Variants in GRID2 observed in about 807,000 individuals in gnomAD.
GRID2 encodes glutamate receptor ionotropic, delta-2.
In GRID2, 33 loss-of-function variants were observed where a neutral mutation model predicts 114.8. That is an observed-to-expected ratio of 0.29 (90% CI 0.22 to 0.38). GRID2 has a LOEUF of 0.38. Ranked by LOEUF, GRID2 falls within the 10% of genes least tolerant of loss-of-function variation. GRID2 has a pLI of 1.00. For synonymous variants in GRID2, 505 were observed against 449.9 expected, an observed-to-expected ratio of 1.12 and a Z score of -1.55; for missense variants, 1,184 against 1,257.7, an observed-to-expected ratio of 0.94 and a Z score of 0.89.
chr4:92,516,956 A>C (rs539763944), intron 1 of GRID2, among the ~76,000 whole-genome samples: 1 of 151,982 alleles, frequency 6.6e-6, no homozygotes, highest in Non-Finnish European at 1.5e-5. Context: ...CATTTTAAGG[A>C]TGTGACTAAT....
chr4:92,746,445 T>C (rs746025782), intron 2 of GRID2, among the ~76,000 whole-genome samples: 1 of 152,136 alleles, frequency 6.6e-6, no homozygotes, highest in Non-Finnish European at 1.5e-5. Flanking sequence ...GGTTCCTTTA[T>C]AGAGATGTTT....
chr4:93,021,795 TA>T (rs1220504129), intron 2 of GRID2, among the ~76,000 whole-genome samples: 1 of 146,466 alleles, frequency 6.8e-6, no homozygotes, highest in Non-Finnish European at 1.5e-5. Flanking sequence ...TATTATATAT[TA>T]TTTTTATAAT....
intron 2 of GRID2, among the ~76,000 whole-genome samples, chr4:92,756,644 G>A (rs1050409278): frequency 6.6e-6 from 1 of 152,078 alleles, no homozygotes; most frequent in Non-Finnish European, 1.5e-5. Context: ...AGTGGGGTAA[G>A]ATGATATTTT....
intron 2 of GRID2, among the ~76,000 whole-genome samples, chr4:92,856,241 A>C (rs191571947): frequency 6.6e-6 from 1 of 151,936 alleles, no homozygotes; most frequent in Non-Finnish European, 1.5e-5. Flanking sequence ...ATATTTTTCT[A>C]TTATCATATT....
intron 8 of GRID2, among the ~76,000 whole-genome samples, chr4:93,343,990 T>C (rs553300088): frequency 1.3e-5 from 2 of 152,232 alleles, no homozygotes; most frequent in South Asian, 4.1e-4. Context: ...TTTGAAATGT[T>C]TAGACCACAT....
chr4:93,154,814 T>C (rs1737033856), intron 4 of GRID2, among the ~76,000 whole-genome samples: 1 of 151,822 alleles, frequency 6.6e-6, no homozygotes. Flanking sequence ...ACCCTTTTCC[T>C]CTACTGCAAT....
intron 1 of GRID2, among the ~76,000 whole-genome samples, chr4:93,797,107 A>G (rs982471931): frequency 6.6e-6 from 1 of 152,218 alleles, no homozygotes; most frequent in Non-Finnish European, 1.5e-5. Context: ...AGTATTTGTG[A>G]ATCTAAACAT....
At chr4:93,744,315 A>G (rs1731665048) in intron 14 of GRID2, among the ~76,000 whole-genome samples, 1 of 152,182 alleles carries the variant, frequency 6.6e-6, no homozygotes, top group Non-Finnish European at 1.5e-5. Flanking sequence ...ATAGACAGAC[A>G]ATCTGGGCAA....
rs187737661 is a variant in GRID2 at position 93,238,347 on chromosome 4, A to G, written c.1126-24A>G. 68 of 1,537,306 alleles carry G rather than the reference A, an allele frequency of 4.4e-5. 1 individual carries two copies. The South Asian group carries it at 6.6e-4, about 15-fold the overall frequency. ...TATTTTTTTACTTCTCAAATTTTAC[A>G]TCAGTATCTGTTCTCTCCTTTAGGG... is the stretch of plus-strand genomic sequence containing the variant. On this transcript the variant is annotated intron_variant, in intron 7 of 15. Coordinates refer to ENST00000282020, the MANE Select transcript of GRID2 (RefSeq NM_001510.4).
At chr4:93,550,967 C>A (rs749305340) in intron 13 of GRID2, among the ~76,000 whole-genome samples, 1 of 152,120 alleles carries the variant, frequency 6.6e-6, no homozygotes, top group Non-Finnish European at 1.5e-5. Context: ...CAGAGCCACA[C>A]TTACTGGATT....
At chr4:93,027,712 A>G (rs1253172575) in intron 2 of GRID2, among the ~76,000 whole-genome samples, 1 of 152,188 alleles carries the variant, frequency 6.6e-6, no homozygotes, top group Non-Finnish European at 1.5e-5. Context: ...AGATTTAGAT[A>G]ACGATATATT....
chr4:92,663,474 A>G (rs984696816), intron 2 of GRID2, among the ~76,000 whole-genome samples: 2 of 151,216 alleles, frequency 1.3e-5, no homozygotes, highest in Non-Finnish European at 3.0e-5. Context: ...GAATATGCAT[A>G]TACTATAAGT....
intron 3 of GRID2, among the ~76,000 whole-genome samples, chr4:93,093,688 C>G (rs950895745): frequency 3.9e-5 from 6 of 152,112 alleles, no homozygotes; most frequent in African/African-American, 1.4e-4. Flanking sequence ...CCCTCTTCCC[C>G]CAGGGCTGGA....
At chr4:93,275,159 CAT>C (rs965719797) in intron 8 of GRID2, among the ~76,000 whole-genome samples, 4 of 151,852 alleles carry the variant, frequency 2.6e-5, no homozygotes, top group African/African-American at 7.2e-5. Context: ...TAAAGGGAAA[CAT>C]ATGATATGTG....
chr4:92,593,676 T>A (rs11097342), intron 2 of GRID2, among the ~76,000 whole-genome samples: 61,794 of 151,512 alleles, frequency 0.41, 12,766 homozygotes, highest in African/African-American at 0.49. Flanking sequence ...TAGAAAAAAA[T>A]TTCTGTTTTC....
At chr4:92,972,968 T>C (rs908521717) in intron 2 of GRID2, among the ~76,000 whole-genome samples, 5 of 152,200 alleles carry the variant, frequency 3.3e-5, no homozygotes, top group Non-Finnish European at 5.9e-5. Flanking sequence ...TAGTATTCCA[T>C]GGTGTAAGTG....
At position 93,558,600 on chromosome 4, in the gene GRID2, A is replaced by G. The variant is rs188416279; in HGVS notation, c.2193+43189A>G. On this transcript the variant is annotated intron_variant, in intron 13 of 15. Transcript: ENST00000282020. Reference sequence around the variant, plus strand: ...AAATTGAGGCAGTTATTAATGGCCTACCAACCGAAAAATGCCCAGAACCAG... The same window carrying G: ...AAATTGAGGCAGTTATTAATGGCCTGCCAACCGAAAAATGCCCAGAACCAG... 1.1e-3 allele frequency among the ~76,000 whole-genome samples: 169 copies of G among 152,310 alleles called. 1 individual carries two copies. The Middle Eastern group carries it at 0.017, about 15-fold the overall frequency.
chr4:93,578,689 G>A lies in GRID2; in HGVS notation c.2194-47580G>A, dbSNP rs375171196. On this transcript the variant is annotated intron_variant, in intron 13 of 15. Coordinates refer to ENST00000282020, the MANE Select transcript of GRID2 (RefSeq NM_001510.4). ...GGTCACTGCAAGCTCCGCCTCCCAG[G>A]TTCACGCCATTCTCCTGCCTCAGCC... Among the ~76,000 whole-genome samples the A allele has an allele frequency of 2.0e-4, 29 of 147,868 alleles. No individual in the cohort carries two copies. The South Asian group carries it at 3.2e-3, about 16-fold the overall frequency.
chr4:92,713,559 A>G (rs1735385930), intron 2 of GRID2, among the ~76,000 whole-genome samples: 1 of 135,332 alleles, frequency 7.4e-6, no homozygotes, highest in Non-Finnish European at 1.5e-5. Context: ...ATGCTGGATT[A>G]GTCTGTTTTC....
Sources: allele counts gnomAD v4.1 joint callset (sites outside exome capture counted in the v4.1 genomes callset), GRCh38; gene constraint gnomAD v4.1.1; transcripts MANE v1.5; gene names NCBI Gene and HGNC (gene_info 2026-07-23, HGNC 2026-07-21).